Variants in EDNRB observed in about 807,000 individuals in gnomAD.
EDNRB encodes the protein endothelin receptor type B.
Under a neutral mutation model 46.4 loss-of-function variants are expected in EDNRB, and 18 were observed. The ratio of observed to expected loss-of-function variants is 0.39; its 90% CI spans 0.27 to 0.57. The LOEUF is 0.57. Ranked by LOEUF, EDNRB falls within the 20% of genes least tolerant of loss-of-function variation. EDNRB has a pLI of 0.61. For missense variants in EDNRB, 434 were observed against 537.5 expected, an observed-to-expected ratio of 0.81 and a Z score of 1.90; for synonymous variants, 213 against 204.9, an observed-to-expected ratio of 1.04 and a Z score of -0.34.
chr13:77,970,452 T>C (rs1485618590), intron 1 of EDNRB, among the ~76,000 whole-genome samples: 1 of 152,162 alleles, frequency 6.6e-6, no homozygotes, highest in East Asian at 1.9e-4. Context: ...TTCCTGTCCC[T>C]TTTTAGGATA....
At position 77,896,207 on chromosome 13, in the gene EDNRB, G is replaced by T; in HGVS notation, c.*1993C>A. 1 of 229,844 alleles carries T rather than the reference G, an allele frequency of 4.4e-6. No individual in the cohort carries two copies. Among genetic ancestry groups the T allele is most frequent in the Non-Finnish European group, 7.9e-6 (1 of 125,908 alleles). The allele number at this position is 229,844 out of a possible 1,614,324, so 14.2% of individuals were successfully genotyped here. ...TTAGAGAACATGATACTGACATGGA[G>T]AAGGAAAAGGTATCAGGATGTAAAA... On this transcript the variant is annotated 3_prime_UTR_variant, in exon 7 of 7. Coordinates refer to ENST00000646607, the MANE Select transcript of EDNRB (RefSeq NM_001122659.3).
chr13:77,903,103 C>A, intron 3 of EDNRB, 53 bp downstream of exon 3: 1 of 1,592,124 alleles, frequency 6.3e-7, no homozygotes, highest in East Asian at 2.2e-5. Flanking sequence ...GGAAAAATAG[C>A]TAAATATTTA....
At chr13:77,912,421 C>G (rs1879616888) in intron 1 of EDNRB, among the ~76,000 whole-genome samples, 2 of 152,198 alleles carry the variant, frequency 1.3e-5, no homozygotes, top group Admixed American at 1.3e-4. Context: ...AATATGAAGT[C>G]TGAGTTTCTG....
chr13:77,933,389 A>AG (rs1169880487), intron 1 of EDNRB, among the ~76,000 whole-genome samples: 10 of 152,140 alleles, frequency 6.6e-5, no homozygotes, highest in Non-Finnish European at 1.5e-4. Flanking sequence ...TTACAGTCAA[A>AG]GGGGGGTTGT....
chr13:77,942,256 T>A lies in EDNRB; in HGVS notation c.-51-23632A>T, dbSNP rs1045293937. Among the ~76,000 whole-genome samples, 3 of 152,148 alleles carry A rather than the reference T, an allele frequency of 2.0e-5. No homozygotes were observed. In the East Asian group the frequency reaches 5.8e-4, roughly 29 times the overall value. ...TATTATATTATGAAGAGGAAAAAACTTGAAAAATAATATCTTACATTTATA... is the reference window on the plus strand; with the variant it reads ...TATTATATTATGAAGAGGAAAAAACATGAAAAATAATATCTTACATTTATA... On this transcript the variant is annotated intron_variant, in intron 1 of 7. Coordinates refer to the EDNRB transcript ENST00000646948.
intron 1 of EDNRB, among the ~76,000 whole-genome samples, chr13:77,950,182 C>T (rs186289666): frequency 1.3e-5 from 2 of 152,286 alleles, no homozygotes; most frequent in East Asian, 3.9e-4. Flanking sequence ...ATGAATTTTC[C>T]CGGGTCTTCA....
In EDNRB at chr13:77,918,267, T is replaced by A; in HGVS notation, c.307A>T (p.Ile103Phe). Residue 103 changes from isoleucine to phenylalanine, a missense_variant, in exon 1 of 7, where the codon ATC becomes TTC. Ile to Phe is a conservative substitution (Grantham distance 21). Transcript: ENST00000646607. The surrounding 1 kb of genome is among the most constrained non-coding windows in gnomAD (Gnocchi z 4.5). Reference sequence around the variant, plus strand: ...ACAAGGCAGGACACAACCGTGTTGATGTATTTGAAAGTCTCCTTGATCTCG... The same window carrying A: ...ACAAGGCAGGACACAACCGTGTTGAAGTATTTGAAAGTCTCCTTGATCTCG... ...PIEIKETFKYINTVVSCLVFV... is the reference protein window; with the variant it reads ...PIEIKETFKYFNTVVSCLVFV... The A allele has an allele frequency of 6.2e-7, 1 of 1,614,070 alleles. No homozygotes were observed. The highest frequency in any genetic ancestry group is 8.5e-7 in the Non-Finnish European group (1 of 1,180,000).
At chr13:77,963,686 A>T (rs1317744080) in intron 1 of EDNRB, among the ~76,000 whole-genome samples, 2 of 152,214 alleles carry the variant, frequency 1.3e-5, no homozygotes, top group Admixed American at 1.3e-4. Flanking sequence ...ATCCTAGGCA[A>T]TACCATTCAG....
chr13:77,933,230 C>T (rs1000393216), intron 1 of EDNRB, among the ~76,000 whole-genome samples: 7 of 152,284 alleles, frequency 4.6e-5, no homozygotes, highest in African/African-American at 7.2e-5. Context: ...GTTTCATGCG[C>T]GTCCGTGTGA....
At chr13:77,903,427 T>C (rs1879107116) in intron 2 of EDNRB, 67 bp from the exon 3 acceptor site, 1 of 1,610,486 alleles carries the variant, frequency 6.2e-7, no homozygotes, top group Non-Finnish European at 8.5e-7. Flanking sequence ...GCACAGTTTA[T>C]TTTCTAAGTA....
At chr13:77,955,954 G>T (rs1009068279) in intron 1 of EDNRB, among the ~76,000 whole-genome samples, 2 of 151,658 alleles carry the variant, frequency 1.3e-5, no homozygotes, top group South Asian at 2.1e-4. Flanking sequence ...TTTTAAAATC[G>T]AGAGTGTGAT....
intron 1 of EDNRB, among the ~76,000 whole-genome samples, chr13:77,912,643 G>A (rs1011229991): frequency 2.6e-5 from 4 of 151,934 alleles, no homozygotes; most frequent in Non-Finnish European, 4.4e-5. Context: ...TGGGTGTCAG[G>A]GTATTTGCTG....
intron 1 of EDNRB, among the ~76,000 whole-genome samples, chr13:77,932,312 A>G (rs1057225874): frequency 2.0e-5 from 3 of 152,184 alleles, no homozygotes; most frequent in Admixed American, 2.0e-4. Context: ...ATCAGAACAT[A>G]TCTATGTAGG....
chr13:77,936,936 C>A (rs1880583922), intron 1 of EDNRB, among the ~76,000 whole-genome samples: 1 of 152,126 alleles, frequency 6.6e-6, no homozygotes, highest in South Asian at 2.1e-4. Flanking sequence ...AAATGCATTG[C>A]CGTTTGGCTG....
At chr13:77,924,971 C>A (rs149572873) in intron 1 of EDNRB, among the ~76,000 whole-genome samples, 2 of 152,192 alleles carry the variant, frequency 1.3e-5, no homozygotes, top group African/African-American at 2.4e-5. Flanking sequence ...CAATAAACTT[C>A]TTTCTTTTGT....
At chr13:77,942,907 G>A (rs867374623) in intron 1 of EDNRB, among the ~76,000 whole-genome samples, 1 of 152,034 alleles carries the variant, frequency 6.6e-6, no homozygotes. Context: ...TATAGTAATG[G>A]ATAATATTAG....
At chr13:77,905,602 G>A (rs1879235694) in intron 1 of EDNRB, among the ~76,000 whole-genome samples, 1 of 151,918 alleles carries the variant, frequency 6.6e-6, no homozygotes. Flanking sequence ...TACTTAAAAT[G>A]GTGTTAAACA....
intron 1 of EDNRB, among the ~76,000 whole-genome samples, chr13:77,956,977 A>G (rs939254338): frequency 6.6e-6 from 1 of 152,216 alleles, no homozygotes; most frequent in Non-Finnish European, 1.5e-5. Context: ...AAACATATTC[A>G]TAGGGACTGA....
intron 1 of EDNRB, among the ~76,000 whole-genome samples, chr13:77,933,363 G>A (rs1478090333): frequency 1.3e-5 from 2 of 152,140 alleles, no homozygotes; most frequent in Admixed American, 6.6e-5. Flanking sequence ...ATAAGATTTG[G>A]GTAGGTAAAG....
Sources: gnomAD v4.1 joint callset for allele counts (sites outside exome capture counted in the v4.1 genomes callset) on GRCh38, gnomAD v4.1.1 for gene constraint, Gnocchi (gnomAD v3.1) non-coding constraint, MANE v1.5 for transcripts, NCBI Gene and HGNC (gene_info 2026-07-23, HGNC 2026-07-21) for gene names.